The following ABLIM1 variants were observed in gnomAD, a reference collection of about 807,000 sequenced individuals.
ABLIM1 encodes the protein actin-binding LIM protein 1.
A neutral mutation model predicts 107.0 loss-of-function variants in ABLIM1; 40 were observed. The observed-to-expected ratio is 0.37, with a 90% CI of 0.29 to 0.49. The LOEUF (loss-of-function observed/expected upper bound fraction) is 0.49, where lower values mean the gene tolerates loss of function less well. Among genes scored for constraint, ABLIM1 ranks in the 20% least tolerant of loss-of-function variants. The pLI, the probability that ABLIM1 is intolerant of heterozygous loss-of-function variation, is 0.97. For synonymous variants in ABLIM1, 357 were observed against 357.3 expected, an observed-to-expected ratio of 1.00 and a Z score of 0.01; for missense variants, 857 against 1,008.5, an observed-to-expected ratio of 0.85 and a Z score of 2.04.
At chr10:114,454,502 G>A (rs1213398692) in intron 12 of ABLIM1, among the ~76,000 whole-genome samples, 1 of 152,124 alleles carries the variant, frequency 6.6e-6, no homozygotes, top group African/African-American at 2.4e-5. Flanking sequence ...GTGCAGACTG[G>A]AGGAGCAACA....
intron 4 of ABLIM1, among the ~76,000 whole-genome samples, chr10:114,560,424 C>T (rs904926967): frequency 2.0e-5 from 3 of 152,186 alleles, no homozygotes; most frequent in East Asian, 1.9e-4. Flanking sequence ...AAATTCCTAT[C>T]GCCTTGTGAC....
At chr10:114,456,094 G>A (rs1031101968) in intron 12 of ABLIM1, among the ~76,000 whole-genome samples, 4 of 152,282 alleles carry the variant, frequency 2.6e-5, no homozygotes, top group East Asian at 3.9e-4. Flanking sequence ...GATTACAGGC[G>A]TGAGCCACCG....
chr10:114,675,896 G>A (rs748143448), intron 1 of ABLIM1, among the ~76,000 whole-genome samples: 9 of 152,096 alleles, frequency 5.9e-5, no homozygotes, highest in Non-Finnish European at 1.2e-4. Flanking sequence ...GTTCTCTTGT[G>A]TCTTTATGCC....
chr10:114,514,894 CA>C (rs2062566062), intron 6 of ABLIM1, among the ~76,000 whole-genome samples: 1 of 152,204 alleles, frequency 6.6e-6, no homozygotes, highest in Non-Finnish European at 1.5e-5. Context: ...GAGACCTACC[CA>C]CCATGGTGTC....
At chr10:114,659,780 G>A (rs2079706738), upstream of ABLIM1, among the ~76,000 whole-genome samples, 1 of 152,188 alleles carries the variant, frequency 6.6e-6, no homozygotes, top group African/African-American at 2.4e-5. Flanking sequence ...AGATGAGGAA[G>A]GTGAGTCTCA....
intron 8 of ABLIM1, chr10:114,485,415 AC>A: frequency 6.4e-7 from 1 of 1,553,942 alleles, no homozygotes; most frequent in Non-Finnish European, 8.8e-7. Flanking sequence ...AAGAACGAAC[AC>A]AGAAATAGCC....
At chr10:114,686,284 G>A (rs1217338292), upstream of ABLIM1, among the ~76,000 whole-genome samples, 1 of 151,998 alleles carries the variant, frequency 6.6e-6, no homozygotes, top group Non-Finnish European at 1.5e-5. Context: ...CGAGATGGGA[G>A]GATAGTTTGA....
intron 1 of ABLIM1, among the ~76,000 whole-genome samples, chr10:114,602,595 T>G (rs143325620): frequency 6.6e-6 from 1 of 152,360 alleles, no homozygotes; most frequent in Admixed American, 6.5e-5. Context: ...CCTCCCATTA[T>G]GTGCATAGTG....
At chr10:114,512,076 T>C (rs2061952098) in intron 6 of ABLIM1, among the ~76,000 whole-genome samples, 1 of 152,226 alleles carries the variant, frequency 6.6e-6, no homozygotes, top group African/African-American at 2.4e-5. Flanking sequence ...TGGTACCACT[T>C]CCTTGCTGCA....
chr10:114,530,069 G>A lies in ABLIM1; in HGVS notation c.894+14936C>T, dbSNP rs575439942. ...AAAAATAATCAAAGGGTGGGCAGAG[G>A]GATGTGTTTGAAGTGATGGAAATGT... On this transcript the variant is annotated intron_variant, in intron 6 of 22. Transcript: ENST00000533213. 2.6e-5 allele frequency among the ~76,000 whole-genome samples: 4 copies of A among 152,236 alleles called. No individual in the cohort carries two copies. In the South Asian group the frequency reaches 8.3e-4, roughly 32 times the overall value.
intron 2 of ABLIM1, among the ~76,000 whole-genome samples, chr10:114,593,831 G>C (rs183913065): frequency 8.9e-4 from 136 of 152,240 alleles, no homozygotes; most frequent in Non-Finnish European, 1.7e-3. Flanking sequence ...ACCTTACCCT[G>C]TTCCAGTTTG....
chr10:114,493,050 C>A (rs2059214994), intron 6 of ABLIM1, among the ~76,000 whole-genome samples: 1 of 152,150 alleles, frequency 6.6e-6, no homozygotes, highest in African/African-American at 2.4e-5. Flanking sequence ...CCACATGCTA[C>A]TTTTTATTTA....
rs114275049 is a variant in ABLIM1 at position 114,489,940 on chromosome 10, G to A, written c.982+1851C>T. 5.4e-3 allele frequency among the ~76,000 whole-genome samples: 820 copies of A among 152,286 alleles called. 7 individuals carry two copies. The highest frequency in any genetic ancestry group is 0.019 in the African/African-American group (777 of 41,560). On this transcript the variant is annotated intron_variant, in intron 7 of 22. Coordinates refer to ENST00000533213, the MANE Select transcript of ABLIM1 (RefSeq NM_002313.7). ...TGTAGCCCGAATGTGCTGCATTTGT[G>A]CACTGCTTGAAACCTTCTCTCTCCA... is the stretch of plus-strand genomic sequence containing the variant.
At chr10:114,782,078 T>A in the ABLIM1 span, among the ~76,000 whole-genome samples, 1 of 152,096 alleles carries the variant, frequency 6.6e-6, no homozygotes, top group Non-Finnish European at 1.5e-5. Context: ...TCTGTGATAC[T>A]AGGAAGTGAG....
chr10:114,781,917 A>G, the ABLIM1 span, among the ~76,000 whole-genome samples: 2 of 152,012 alleles, frequency 1.3e-5, no homozygotes, highest in Admixed American at 6.6e-5. Flanking sequence ...GTGGTCTGAT[A>G]GTTTTATTAG....
chr10:114,439,942 G>T, intron 20 of ABLIM1, 140 bp downstream of exon 20: 1 of 1,436,934 alleles, frequency 7.0e-7, no homozygotes, highest in Non-Finnish European at 9.5e-7. Flanking sequence ...GCTCTTCACG[G>T]CTATAGAGTA....
intron 6 of ABLIM1, among the ~76,000 whole-genome samples, chr10:114,512,700 C>T (rs1393751604): frequency 6.6e-6 from 1 of 151,922 alleles, no homozygotes; most frequent in East Asian, 1.9e-4. Flanking sequence ...TGGTGTGCAC[C>T]CAGAATCCCA....
At chr10:114,788,887 TATTC>T in the ABLIM1 span, among the ~76,000 whole-genome samples, 3 of 152,274 alleles carry the variant, frequency 2.0e-5, no homozygotes, top group African/African-American at 7.2e-5. Flanking sequence ...ACCAAAAAAT[TATTC>T]ATTGTTTATC....
chr10:114,612,288 C>T (rs1032203108), intron 1 of ABLIM1, among the ~76,000 whole-genome samples: 32 of 152,220 alleles, frequency 2.1e-4, no homozygotes, highest in Admixed American at 1.4e-3. Flanking sequence ...GAAGTTCAGC[C>T]CCTATCCTCG....
Sources: gnomAD v4.1 joint callset for allele counts (sites outside exome capture counted in the v4.1 genomes callset) on GRCh38, gnomAD v4.1.1 for gene constraint, MANE v1.5 for transcripts, NCBI Gene and HGNC (gene_info 2026-07-23, HGNC 2026-07-21) for gene names.